Variants in ZNF517 observed in about 807,000 individuals in gnomAD.
ZNF517 encodes zinc finger protein 517.
Under a neutral mutation model 12.1 loss-of-function variants are expected in ZNF517, and 12 were observed. The observed-to-expected ratio is 0.99, with a 90% CI of 0.63 to 1.61. The LOEUF is 1.61. ZNF517 is among the 40% of genes most tolerant of loss of function. The pLI, the probability that ZNF517 is intolerant of heterozygous loss-of-function variation, is 0.00. For synonymous variants in ZNF517, 388 were observed against 310.2 expected (o/e 1.25, Z -2.63); for missense variants, 781 against 693.2 (o/e 1.13, Z -1.42).
At chr8:144,802,805 C>T (rs1034886367) in intron 1 of ZNF517, 65 bp from the exon 2 acceptor site, 4 of 1,594,848 alleles carry the variant, frequency 2.5e-6, no homozygotes, top group African/African-American at 2.7e-5. Context: ...TCTGGAGGGG[C>T]CTTCTGGGGG....
Position 144,809,927 on chromosome 8 carries a change from C to T in ZNF517, c.*1532C>T. Reference sequence around the variant, plus strand: ...AAGTAGCTGGGTGTGGTGCTGGGTGCCTGTAATCCCAGCTACTCGGGAGGC... The same window carrying T: ...AAGTAGCTGGGTGTGGTGCTGGGTGTCTGTAATCCCAGCTACTCGGGAGGC... On this transcript the variant is annotated 3_prime_UTR_variant, in exon 5 of 5. Transcript: ENST00000359971. The T allele has an allele frequency of 2.5e-6, 1 of 403,404 alleles. No homozygotes were observed. Among genetic ancestry groups the T allele is most frequent in the Non-Finnish European group, 4.5e-6 (1 of 224,690 alleles). 25.0% of individuals were successfully genotyped at this position (403,404 alleles called of 1,614,324 possible).
At position 144,807,682 on chromosome 8, in the gene ZNF517, A is replaced by T; in HGVS notation, c.766A>T (p.Thr256Ser). The T allele has an allele frequency of 6.2e-7, 1 of 1,609,978 alleles. No homozygotes were observed. Among genetic ancestry groups the T allele is most frequent in the African/African-American group, 1.3e-5 (1 of 74,794 alleles). ...GCTGGCTGCCCACCACCGCGTCCAC[A>T]CCCGCGAGCGGCCCTACGCATGCGG... Reference protein sequence around the residue: ...TQLAAHHRVHTRERPYACGEC... With the variant: ...TQLAAHHRVHSRERPYACGEC... The change falls in exon 5 of 5, where the codon ACC becomes TCC. Residue 256 changes from threonine (T) to serine (S), a missense_variant. Physicochemically the swap from Thr to Ser is moderately conservative, Grantham distance 58 (BLOSUM62 1). Transcript: ENST00000359971.
At chr8:144,799,784 CA>C (rs1826859306) in intron 1 of ZNF517, among the ~76,000 whole-genome samples, 1 of 151,972 alleles carries the variant, frequency 6.6e-6, no homozygotes, top group African/African-American at 2.4e-5. Flanking sequence ...ACTAAAAATA[CA>C]AAAAATTAGC....
chr8:144,808,336 C>G lies in ZNF517; in HGVS notation c.1420C>G (p.His474Asp). 1 of 1,488,114 alleles carries G rather than the reference C, an allele frequency of 6.7e-7. No homozygotes were observed. Among genetic ancestry groups the G allele is most frequent in the Non-Finnish European group, 9.0e-7 (1 of 1,116,032 alleles). 92.2% of individuals were successfully genotyped at this position (1,488,114 alleles called of 1,614,324 possible). A position where few individuals can be genotyped will look rare whatever the true frequency, so the allele number is the denominator to read the frequency against. The change falls in exon 5 of 5, where the codon CAC becomes GAC. Residue 474 changes from histidine (H) to aspartate (D), a missense_variant. His to Asp is a moderately conservative substitution (Grantham distance 81). Coordinates refer to ENST00000359971, the MANE Select transcript of ZNF517 (RefSeq NM_213605.3). ...CACCCTCATCCAGCACCAGAAGGTG[C>G]ACGGCCGCGAGCCCGGGGAGGACAC... ...LSTLIQHQKVHGREPGEDTEG... is the reference protein window; with the variant it reads ...LSTLIQHQKVDGREPGEDTEG...
intron 2 of ZNF517, 64 bp downstream of exon 2, chr8:144,803,011 C>T: frequency 7.5e-6 from 12 of 1,605,238 alleles, no homozygotes; most frequent in Non-Finnish European, 1.0e-5. Flanking sequence ...CTCAGCTTTT[C>T]AGCCCTGAGA....
At position 144,798,947 on chromosome 8, in the gene ZNF517, C is replaced by A. The variant is rs1195368551; in HGVS notation, c.-46+10C>A. 1 of 152,038 alleles carries A rather than the reference C, an allele frequency of 6.6e-6. No homozygotes were observed. Among genetic ancestry groups the A allele is most frequent in the African/African-American group, 2.4e-5 (1 of 41,410 alleles). 9.4% of individuals were successfully genotyped at this position (152,038 alleles called of 1,614,324 possible). A position where few individuals can be genotyped will look rare whatever the true frequency, so the allele number is the denominator to read the frequency against. On this transcript the variant is annotated intron_variant, in intron 1 of 4. Coordinates refer to ENST00000359971, the MANE Select transcript of ZNF517 (RefSeq NM_213605.3). ...GTCTCGGCGGCCCAGGGTGAGTCGG[C>A]CGCGGCCGCGGGGCGGGGACTGGGA...
At chr8:144,812,283 G>A (rs550455004), downstream of ZNF517, among the ~76,000 whole-genome samples, 865 of 133,794 alleles carry the variant, frequency 6.5e-3, 14 homozygotes, top group Admixed American at 0.06. Flanking sequence ...CAAAGGCTGA[G>A]ACAGGGTGGG....
chr8:144,812,385 C>T (rs1827584430), downstream of ZNF517, among the ~76,000 whole-genome samples: 1 of 138,474 alleles, frequency 7.2e-6, no homozygotes, highest in African/African-American at 3.0e-5. Context: ...CAATAAAGCT[C>T]AGCCAGGTGC....
At chr8:144,810,366 G>C (rs527705622), downstream of ZNF517, 2 of 486,166 alleles carry the variant, frequency 4.1e-6, no homozygotes, top group African/African-American at 1.9e-5. Flanking sequence ...CTGCTCCCCG[G>C]GCTGTGCGCC....
intron 4 of ZNF517, among the ~76,000 whole-genome samples, chr8:144,804,915 A>G (rs1350623342): frequency 2.0e-5 from 3 of 152,266 alleles, no homozygotes; most frequent in Non-Finnish European, 4.4e-5. Flanking sequence ...CCAGGTGTAC[A>G]GGGTGGAACA....
rs1586767891 is a variant in ZNF517, at chr8:144,808,404, A to G, written c.*9A>G. The G allele has an allele frequency of 6.9e-7, 1 of 1,452,328 alleles. No individual in the cohort carries two copies. Among genetic ancestry groups the G allele is most frequent in the Non-Finnish European group, 9.1e-7 (1 of 1,103,214 alleles). 90.0% of individuals were successfully genotyped at this position (1,452,328 alleles called of 1,614,324 possible). A position where few individuals can be genotyped will look rare whatever the true frequency, so the allele number is the denominator to read the frequency against. The stretch of plus-strand genomic sequence containing the variant: ...CCTGTTGGGCTTCCTGATGACGGGG[A>G]CGACAGGCCGAGGATTCACGCTGGA... On this transcript the variant is annotated 3_prime_UTR_variant, in exon 5 of 5. Transcript: ENST00000359971.
chr8:144,801,561 T>C (rs1586759761), intron 1 of ZNF517, among the ~76,000 whole-genome samples: 1 of 151,952 alleles, frequency 6.6e-6, no homozygotes, highest in Non-Finnish European at 1.5e-5. Flanking sequence ...CACTGCAAGC[T>C]CCGCCTCCCA....
chr8:144,807,169 C>T (rs754653758), intron 4 of ZNF517, 22 bp from the exon 5 acceptor site: 7 of 1,513,522 alleles, frequency 4.6e-6, no homozygotes, highest in South Asian at 4.0e-5. Flanking sequence ...ATCATCCTTC[C>T]GTTTTCTGTT....
intron 1 of ZNF517, among the ~76,000 whole-genome samples, chr8:144,799,269 G>C (rs1826820222): frequency 6.6e-6 from 1 of 152,164 alleles, no homozygotes; most frequent in African/African-American, 2.4e-5. Context: ...TCTGCCCCTC[G>C]CTTCCGTCCG....
At chr8:144,801,267 G>T (rs541612961) in intron 1 of ZNF517, among the ~76,000 whole-genome samples, 1 of 152,308 alleles carries the variant, frequency 6.6e-6, no homozygotes, top group South Asian at 2.1e-4. Flanking sequence ...TCAAGTGTCT[G>T]TTGAAGGGAA....
chr8:144,800,665 G>A (rs1826913619), intron 1 of ZNF517: 1 of 985,280 alleles, frequency 1.0e-6, no homozygotes, highest in East Asian at 1.1e-4. Context: ...TGGGGGTGGT[G>A]TGGCCCTGCT....
At chr8:144,811,051 G>A (rs1009094809), downstream of ZNF517, 10 of 152,308 alleles carry the variant, frequency 6.6e-5, no homozygotes, top group African/African-American at 2.4e-4. Flanking sequence ...TTGCGCAGGG[G>A]CGTTGCCGGC....
chr8:144,802,787 C>T, intron 1 of ZNF517, 83 bp from the exon 2 acceptor site: 1 of 1,579,294 alleles, frequency 6.3e-7, no homozygotes, highest in Non-Finnish European at 8.6e-7. Flanking sequence ...CTCCTGCTCC[C>T]TTCTGGATCT....
At chr8:144,813,493 T>A (rs1827613745), downstream of ZNF517, among the ~76,000 whole-genome samples, 1 of 152,026 alleles carries the variant, frequency 6.6e-6, no homozygotes, top group African/African-American at 2.4e-5. Context: ...ATTTACAGAT[T>A]AAATGCAATC....
Sources: allele counts gnomAD v4.1 joint callset (sites outside exome capture counted in the v4.1 genomes callset), GRCh38; gene constraint gnomAD v4.1.1; transcripts MANE v1.5; gene names NCBI Gene and HGNC (gene_info 2026-07-23, HGNC 2026-07-21).